CORO7: variants seen among roughly 807,000 people sequenced by gnomAD.
CORO7 encodes coronin-7.
Under a neutral mutation model 126.6 loss-of-function variants are expected in CORO7, and 107 were observed. The observed-to-expected ratio is 0.85, with a 90% CI of 0.72 to 0.99. The LOEUF is 0.99. Ranked by LOEUF, CORO7 falls within the 50% of genes least tolerant of loss-of-function variation. The probability of loss-of-function intolerance (pLI) is 0.00; values close to 1 mark genes in which losing one functional copy is unlikely to be tolerated. For missense variants in CORO7, 1,314 were observed against 1,255.8 expected, an observed-to-expected ratio of 1.05 and a Z score of -0.70; for synonymous variants, 603 against 536.8, an observed-to-expected ratio of 1.12 and a Z score of -1.70.
rs1209190128 is a variant in CORO7, at chr16:4,361,361, C to G, written c.1687G>C (p.Ala563Pro). ...DPFDPHRLAV[A>P]GEDARIRLWR... ...AAGCCCAGGCACCCAGCCTCCTTACCCACAGCGAGGCGATGGGGGTCAAAG... is the reference window on the plus strand; with the variant it reads ...AAGCCCAGGCACCCAGCCTCCTTACGCACAGCGAGGCGATGGGGGTCAAAG... Residue 563 changes from alanine (A) to proline (P), a missense_variant and splice_region_variant, in exon 17 of 28, where the codon GCT becomes CCT. Transcript: ENST00000251166. 1 of 1,612,172 alleles carries G rather than the reference C, an allele frequency of 6.2e-7. No individual in the cohort carries two copies. The highest frequency in any genetic ancestry group is 1.7e-5 in the Admixed American group (1 of 59,922).
At chr16:4,373,200 G>C (rs1006569718) in intron 9 of CORO7, among the ~76,000 whole-genome samples, 3 of 152,140 alleles carry the variant, frequency 2.0e-5, no homozygotes, top group Non-Finnish European at 4.4e-5. Flanking sequence ...GAGTTGGCCT[G>C]GAGCTTCTGT....
chr16:4,360,226 G>C, intron 21 of CORO7, 52 bp downstream of exon 21: 1 of 1,609,862 alleles, frequency 6.2e-7, no homozygotes. Flanking sequence ...TGTGGAGAAG[G>C]GGGACACAGG....
At chr16:4,376,538 G>A (rs556651211) in intron 9 of CORO7, among the ~76,000 whole-genome samples, 15 of 152,264 alleles carry the variant, frequency 9.9e-5, no homozygotes, top group Admixed American at 3.3e-4. Flanking sequence ...CAGGCACACC[G>A]CCTGCCCCAG....
intron 7 of CORO7, among the ~76,000 whole-genome samples, chr16:4,389,865 A>T (rs1462609614): frequency 1.3e-5 from 2 of 152,176 alleles, no homozygotes; most frequent in Non-Finnish European, 2.9e-5. Context: ...CTTGTCCAAA[A>T]GTCACTCATT....
At chr16:4,378,095 C>T (rs118148996) in intron 9 of CORO7, among the ~76,000 whole-genome samples, 8 of 152,188 alleles carry the variant, frequency 5.3e-5, no homozygotes, top group Non-Finnish European at 1.2e-4. Flanking sequence ...AGAGCACCCC[C>T]CAGCACGTGC....
At chr16:4,366,013 C>T (rs2054335436) in intron 9 of CORO7, among the ~76,000 whole-genome samples, 1 of 152,214 alleles carries the variant, frequency 6.6e-6, no homozygotes, top group Admixed American at 6.5e-5. Context: ...CCCTGCCGTT[C>T]CGAATCTGCA....
intron 26 of CORO7, 155 bp from the exon 27 acceptor site, chr16:4,355,527 G>T: frequency 1.3e-6 from 1 of 776,004 alleles, no homozygotes; most frequent in Non-Finnish European, 2.0e-6. Flanking sequence ...GGAGTGCAGT[G>T]GCGCGATCTC....
Position 4,388,035 on chromosome 16 carries a change from G to A in CORO7, c.736C>T (p.Arg246Trp), listed in dbSNP as rs1248401405. The A allele has an allele frequency of 1.7e-5, 28 of 1,613,002 alleles. No homozygotes were observed. Among genetic ancestry groups the A allele is most frequent in the African/African-American group, 2.7e-5 (2 of 74,934 alleles). ...REREVKLWDT[R>W]FFSSALASLT... ...GAGGCCAGGGCGCTGGAGAAGAACC[G>A]CGTGTCCCACAGCTTCACTTCGCGC... The change falls in exon 9 of 28, where the codon CGG (arginine) becomes TGG (tryptophan). Residue 246 changes from arginine to tryptophan, a missense_variant. Physicochemically the swap from Arg to Trp is moderately radical, Grantham distance 101 (BLOSUM62 -3). Coordinates refer to ENST00000251166, the MANE Select transcript of CORO7 (RefSeq NM_024535.5).
At chr16:4,398,878 G>C (rs2055698922) in intron 6 of CORO7, among the ~76,000 whole-genome samples, 1 of 150,836 alleles carries the variant, frequency 6.6e-6, no homozygotes, top group Non-Finnish European at 1.5e-5. Flanking sequence ...TGAGGCAGGA[G>C]AATCGCATGA....
chr16:4,401,319 C>T (rs551961244), intron 6 of CORO7, among the ~76,000 whole-genome samples: 7 of 152,282 alleles, frequency 4.6e-5, no homozygotes, highest in Middle Eastern at 3.4e-3. Flanking sequence ...CCAAGGGGGC[C>T]GTGGGCACAC....
At position 4,416,472 on chromosome 16, in the gene CORO7, G is replaced by A. The variant is rs771452992; in HGVS notation, c.47C>T (p.Pro16Leu). 4.4e-6 allele frequency: 7 copies of A among 1,576,190 alleles called. No individual in the cohort carries two copies. In the African/African-American group the frequency reaches 9.9e-5, roughly 22 times the overall value. The change falls in exon 1 of 28, where the codon CCG becomes CTG. Residue 16 changes from proline (P) to leucine (L), a missense_variant. By Grantham distance (98) the Pro-to-Leu change is moderately conservative. Transcript: ENST00000251166. ...VSKFRHTEAR[P>L]PRRESWISDI... Reference sequence around the variant, plus strand: ...GGCCGGACTCACCTCGCGGCGGGGCGGCCGAGCCTCGGTGTGCCGGAACTT... The same window carrying A: ...GGCCGGACTCACCTCGCGGCGGGGCAGCCGAGCCTCGGTGTGCCGGAACTT...
intron 9 of CORO7, chr16:4,380,796 G>T: frequency 7.2e-7 from 1 of 1,390,382 alleles, no homozygotes; most frequent in Admixed American, 2.9e-5. Flanking sequence ...ATTCCCTCTG[G>T]CTCTTCCTGG....
At chr16:4,395,370 C>G in intron 6 of CORO7, 31 bp from the exon 7 acceptor site, 1 of 1,613,722 alleles carries the variant, frequency 6.2e-7, no homozygotes, top group Non-Finnish European at 8.5e-7. Flanking sequence ...AAACAACTTG[C>G]GATTAGGGCT....
At chr16:4,414,056 G>A (rs937878124) in intron 1 of CORO7, among the ~76,000 whole-genome samples, 2 of 151,700 alleles carry the variant, frequency 1.3e-5, no homozygotes, top group Admixed American at 1.3e-4. Flanking sequence ...GCATGGTGGC[G>A]GGCACCTACA....
intron 16 of CORO7, chr16:4,361,688 G>A (rs893313751): frequency 1.9e-5 from 15 of 792,010 alleles, no homozygotes; most frequent in Non-Finnish European, 3.2e-5. Context: ...GTGAACTGGC[G>A]GGAAAAGCTC....
chr16:4,364,185 CAA>C (rs878921261), intron 14 of CORO7, 89 bp downstream of exon 14: 3,952 of 1,091,950 alleles, frequency 3.6e-3, no homozygotes, highest in South Asian at 0.014. Context: ...GACACTGTCT[CAA>C]AAAAAAAAAA....
chr16:4,403,667 C>T (rs919745700), intron 6 of CORO7, among the ~76,000 whole-genome samples: 1 of 152,170 alleles, frequency 6.6e-6, no homozygotes, highest in Non-Finnish European at 1.5e-5. Flanking sequence ...GTGGCCAAGC[C>T]GGTGGCCCAT....
intron 9 of CORO7, chr16:4,383,275 AGAGG>A: frequency 4.0e-6 from 1 of 252,280 alleles, no homozygotes; most frequent in African/African-American, 2.2e-5. Context: ...CGGAAAGAGC[AGAGG>A]GAGAGCGGGT....
At chr16:4,407,810 T>C in intron 4 of CORO7, 126 bp from the exon 5 acceptor site, 1 of 1,246,350 alleles carries the variant, frequency 8.0e-7, no homozygotes, top group South Asian at 1.6e-5. Context: ...ACCTTGGCCT[T>C]GGGAGGAGCG....
Sources: allele counts gnomAD v4.1 joint callset (sites outside exome capture counted in the v4.1 genomes callset), GRCh38; gene constraint gnomAD v4.1.1; transcripts MANE v1.5; gene names NCBI Gene and HGNC (gene_info 2026-07-23, HGNC 2026-07-21).